Variants in SPSB1 observed in about 807,000 individuals in gnomAD.
SPSB1 encodes SPRY domain-containing SOCS box protein 1.
In SPSB1, 8 loss-of-function variants were observed where a neutral mutation model predicts 21.2. The observed-to-expected ratio is 0.38, with a 90% CI of 0.22 to 0.68. The LOEUF (loss-of-function observed/expected upper bound fraction) is 0.68, where lower values mean the gene tolerates loss of function less well. Ranked by LOEUF, SPSB1 falls within the 30% of genes least tolerant of loss-of-function variation. The probability of loss-of-function intolerance (pLI) is 0.53; values close to 1 mark genes in which losing one functional copy is unlikely to be tolerated. For synonymous variants in SPSB1, 169 were observed against 161.7 expected, an observed-to-expected ratio of 1.05 and a Z score of -0.34; for missense variants, 242 against 377.8, an observed-to-expected ratio of 0.64 and a Z score of 2.98.
chr1:9,348,574 C>A lies in SPSB1; in HGVS notation c.-149-7169C>A, dbSNP rs1640201232. On this transcript the variant is annotated intron_variant, in intron 1 of 2. Transcript: ENST00000328089. The surrounding 1 kb of genome is among the most constrained non-coding windows in gnomAD (Gnocchi z 4.8). ...TCAGCATTCATTTCCAGGCTTCCTT[C>A]CCTCTGTATCTGCAGACCTGGCTGC... Among the ~76,000 whole-genome samples, 1 of 152,154 alleles carries A rather than the reference C, an allele frequency of 6.6e-6. No individual in the cohort carries two copies. The highest frequency in any genetic ancestry group is 2.1e-4 in the South Asian group (1 of 4,832).
At chr1:9,338,992 C>T (rs1012754940) in intron 1 of SPSB1, among the ~76,000 whole-genome samples, 7 of 152,158 alleles carry the variant, frequency 4.6e-5, no homozygotes, top group African/African-American at 1.7e-4. Flanking sequence ...GAGTCTGGGC[C>T]CGGGAGCGGC....
At chr1:9,322,732 G>A (rs1639740553) in intron 1 of SPSB1, among the ~76,000 whole-genome samples, 1 of 152,208 alleles carries the variant, frequency 6.6e-6, no homozygotes, top group African/African-American at 2.4e-5. Context: ...CAGCACACAA[G>A]GTGGCAGGTG....
At chr1:9,308,795 G>A (rs1041645089) in intron 1 of SPSB1, among the ~76,000 whole-genome samples, 2 of 152,198 alleles carry the variant, frequency 1.3e-5, no homozygotes, top group Non-Finnish European at 2.9e-5. Context: ...ATGCTGGAAG[G>A]TGGGCCTGAC....
chr1:9,323,198 T>G (rs1639751839), intron 1 of SPSB1, among the ~76,000 whole-genome samples: 1 of 152,240 alleles, frequency 6.6e-6, no homozygotes, highest in Admixed American at 6.5e-5. Context: ...GCACTCAGCC[T>G]TTTCGCTCTC....
chr1:9,347,361 C>T (rs982800647), intron 1 of SPSB1, among the ~76,000 whole-genome samples: 3 of 152,136 alleles, frequency 2.0e-5, no homozygotes, highest in African/African-American at 7.2e-5. Context: ...TGTTTCTCAG[C>T]CTTTGATTCT....
rs967842485 is a variant in SPSB1, at chr1:9,363,355, C to A, written c.695-4093C>A. 5.9e-5 allele frequency among the ~76,000 whole-genome samples: 9 copies of A among 152,124 alleles called. No homozygotes were observed. Among genetic ancestry groups the A allele is most frequent in the Non-Finnish European group, 1.2e-4 (8 of 68,024 alleles). The stretch of plus-strand genomic sequence containing the variant: ...AGCCATTCACTGCCACTTCTCTAGC[C>A]CGTCTTGGTGGATCCCATGACCCAT... On this transcript the variant is annotated intron_variant, in intron 2 of 2. Transcript: ENST00000328089. This position sits in a 1 kb window ranked among gnomAD's most constrained non-coding sequence, Gnocchi z 4.5.
intron 1 of SPSB1, among the ~76,000 whole-genome samples, chr1:9,326,262 GCACCA>G (rs1639814088): frequency 6.6e-6 from 1 of 152,132 alleles, no homozygotes; most frequent in Non-Finnish European, 1.5e-5. Context: ...TTTATTCCCA[GCACCA>G]CCCCAAGGGC....
chr1:9,360,165 G>A (rs1382487310), intron 2 of SPSB1, among the ~76,000 whole-genome samples: 1 of 151,988 alleles, frequency 6.6e-6, no homozygotes, highest in Non-Finnish European at 1.5e-5. Flanking sequence ...GCTAGAGAGC[G>A]AGGAGAAGAG....
intron 2 of SPSB1, among the ~76,000 whole-genome samples, chr1:9,361,564 C>T (rs963670039): frequency 2.6e-5 from 4 of 152,342 alleles, no homozygotes; most frequent in East Asian, 3.9e-4. Context: ...AGCAGAGTCC[C>T]GGCTTCTACA....
Position 9,324,367 on chromosome 1 carries a change from G to A in SPSB1, c.-150+31296G>A, listed in dbSNP as rs946552384. On this transcript the variant is annotated intron_variant, in intron 1 of 2. Coordinates refer to ENST00000328089, the MANE Select transcript of SPSB1 (RefSeq NM_025106.4). The surrounding 1 kb of genome is among the most constrained non-coding windows in gnomAD (Gnocchi z 4.3). ...GCTCTGCTCTGGTGAGTTCTGCTGCGATCCTGTGGCTCAGCACGTGGTAGG... is the reference window on the plus strand; with the variant it reads ...GCTCTGCTCTGGTGAGTTCTGCTGCAATCCTGTGGCTCAGCACGTGGTAGG... Among the ~76,000 whole-genome samples the A allele has an allele frequency of 6.6e-6, 1 of 152,152 alleles. No homozygotes were observed. Among genetic ancestry groups the A allele is most frequent in the African/African-American group, 2.4e-5 (1 of 41,424 alleles).
intron 1 of SPSB1, among the ~76,000 whole-genome samples, chr1:9,341,788 C>T (rs1211168717): frequency 2.0e-5 from 3 of 152,208 alleles, no homozygotes; most frequent in African/African-American, 4.8e-5. Context: ...CCGCAATCTC[C>T]ACCTCCCGGG....
In SPSB1 at chr1:9,353,833, G is replaced by A. The variant is rs368977739; in HGVS notation, c.-149-1910G>A. Among the ~76,000 whole-genome samples, 519 of 151,886 alleles carry A rather than the reference G, an allele frequency of 3.4e-3. 2 individuals carry two copies. Among genetic ancestry groups the A allele is most frequent in the Middle Eastern group, 6.8e-3 (2 of 292 alleles). On this transcript the variant is annotated intron_variant, in intron 1 of 2. Transcript: ENST00000328089. The stretch of plus-strand genomic sequence containing the variant: ...CTTGAGAGGCATAGGCAGGAGAATC[G>A]CTTGAACCCAGGAAGCGGAGGTTGC...
rs757004645 is a variant in SPSB1 at position 9,293,931 on chromosome 1, TGTGA to T, written c.-150+864_-150+867del. Among the ~76,000 whole-genome samples the T allele has an allele frequency of 1.4e-4, 21 of 152,262 alleles. No individual in the cohort carries two copies. Among genetic ancestry groups the T allele is most frequent in the Middle Eastern group, 3.4e-3 (1 of 294 alleles). On this transcript the variant is annotated intron_variant, in intron 1 of 2. Coordinates refer to ENST00000328089, the MANE Select transcript of SPSB1 (RefSeq NM_025106.4). This position sits in a 1 kb window ranked among gnomAD's most constrained non-coding sequence, Gnocchi z 5.1. ...GTCTGTGTGTTCATGTGGGTGTGTG[TGTGA>T]GTGTGTCTCTAAGTGCATCTGTGTA...
chr1:9,336,043 G>A (rs1557457439), intron 1 of SPSB1, among the ~76,000 whole-genome samples: 1 of 152,194 alleles, frequency 6.6e-6, no homozygotes, highest in South Asian at 2.1e-4. Context: ...AAGACTCTTC[G>A]TGTCTGTCCA....
intron 1 of SPSB1, among the ~76,000 whole-genome samples, chr1:9,328,823 T>C (rs754201580): frequency 1.1e-4 from 17 of 152,222 alleles, no homozygotes; most frequent in South Asian, 2.1e-4. Context: ...GGGGAATTGT[T>C]GATGTGAGGC....
intron 1 of SPSB1, among the ~76,000 whole-genome samples, chr1:9,315,075 A>G (rs541444637): frequency 2.0e-5 from 3 of 152,344 alleles, no homozygotes; most frequent in Admixed American, 1.3e-4. Context: ...GCACTGGTTT[A>G]AAATACAACA....
intron 1 of SPSB1, among the ~76,000 whole-genome samples, chr1:9,326,502 A>G (rs1639818726): frequency 1.3e-5 from 2 of 152,216 alleles, no homozygotes; most frequent in Admixed American, 1.3e-4. Flanking sequence ...AGACCACCAG[A>G]GTCACTGTCT....
In SPSB1 at chr1:9,345,121, G is replaced by C. The variant is rs867436153; in HGVS notation, c.-149-10622G>C. ...GTCCCACAGGAGGCTAGGCTGGAGC[G>C]AGGCCCTTCCAGAGAACCAGCTTCT... On this transcript the variant is annotated intron_variant, in intron 1 of 2. Transcript: ENST00000328089. This position sits in a 1 kb window ranked among gnomAD's most constrained non-coding sequence, Gnocchi z 4.8. 6.6e-6 allele frequency among the ~76,000 whole-genome samples: 1 copy of C among 152,176 alleles called. No individual in the cohort carries two copies. The highest frequency in any genetic ancestry group is 2.4e-5 in the African/African-American group (1 of 41,428).
intron 1 of SPSB1, among the ~76,000 whole-genome samples, chr1:9,343,119 T>C (rs1333033239): frequency 6.6e-6 from 1 of 152,198 alleles, no homozygotes; most frequent in Non-Finnish European, 1.5e-5. Flanking sequence ...TTTTTAAGAG[T>C]ACAATTCGAT....
Sources: allele counts gnomAD v4.1 joint callset (sites outside exome capture counted in the v4.1 genomes callset), GRCh38; gene constraint gnomAD v4.1.1; non-coding constraint Gnocchi (gnomAD v3.1); transcripts MANE v1.5; gene names NCBI Gene and HGNC (gene_info 2026-07-23, HGNC 2026-07-21).